NPHP4: variants seen among roughly 807,000 people sequenced by gnomAD.
The protein encoded by NPHP4 is nephrocystin 4.
In NPHP4, 151 loss-of-function variants were observed where a neutral mutation model predicts 155.8. That is an observed-to-expected ratio of 0.97 (90% CI 0.85 to 1.11). NPHP4 has a LOEUF of 1.11. NPHP4 is among the 50% of genes least tolerant of loss of function. The probability of loss-of-function intolerance (pLI) is 0.00; values close to 1 mark genes in which losing one functional copy is unlikely to be tolerated. For synonymous variants in NPHP4, 845 were observed against 816.8 expected (o/e 1.03, Z -0.59); for missense variants, 1,956 against 1,925.7 (o/e 1.02, Z -0.29).
chr1:5,991,956 G>GCAGGGGA (rs1225621036), intron 1 of NPHP4, among the ~76,000 whole-genome samples: 8 of 126,798 alleles, frequency 6.3e-5, no homozygotes, highest in Non-Finnish European at 9.9e-5. Context: ...GGGGCAGGGG[G>GCAGGGGA]CAAAGGGCAA....
intron 2 of NPHP4, among the ~76,000 whole-genome samples, chr1:5,980,684 AAAAGTGGGAAGGG>A (rs1654535538): frequency 6.6e-6 from 1 of 151,828 alleles, no homozygotes; most frequent in Non-Finnish European, 1.5e-5. Context: ...ATGAAGGGAG[AAAAGTGGGAAGGG>A]CCAGCTGCCT....
intron 6 of NPHP4, among the ~76,000 whole-genome samples, chr1:5,956,312 ACCC>A (rs968443978): frequency 6.6e-6 from 1 of 152,084 alleles, no homozygotes; most frequent in Non-Finnish European, 1.5e-5. Context: ...GTGCACACGC[ACCC>A]CCAGGAGCAA....
intron 11 of NPHP4, among the ~76,000 whole-genome samples, chr1:5,912,981 T>C (rs1310753727): frequency 6.6e-6 from 1 of 151,914 alleles, no homozygotes; most frequent in East Asian, 1.9e-4. Context: ...TGAAGCCCCG[T>C]CTCTACTAAA....
At chr1:5,937,136 C>A (rs1390707936) in intron 9 of NPHP4, among the ~76,000 whole-genome samples, 1 of 151,998 alleles carries the variant, frequency 6.6e-6, no homozygotes, top group South Asian at 2.1e-4. Context: ...GGGGTTTCCT[C>A]GGAAGGAGCT....
At chr1:5,886,061 T>G (rs1643774470) in intron 18 of NPHP4, among the ~76,000 whole-genome samples, 1 of 152,236 alleles carries the variant, frequency 6.6e-6, no homozygotes, top group African/African-American at 2.4e-5. Flanking sequence ...CTTCTGAAGA[T>G]AAGATTTTAA....
rs768742748 is a variant in NPHP4 at position 5,905,430 on chromosome 1, A to G, written c.1817T>C (p.Phe606Ser). 4.3e-6 allele frequency: 7 copies of G among 1,612,082 alleles called. No homozygotes were observed. Among genetic ancestry groups the G allele is most frequent in the Non-Finnish European group, 5.9e-6 (7 of 1,178,282 alleles). ...ASMVLLQSSG[F>S]PEILDANKQP... ...TTTATTGGCATCCAGAATCTCGGGA[A>G]AGCCGGAGGACTGCAGGAGCACCAT... The change falls in exon 15 of 30, where the codon TTT becomes TCT. Residue 606 changes from phenylalanine (F) to serine (S), a missense_variant. Phe to Ser is a radical substitution (Grantham distance 155). Transcript: ENST00000378156. This position sits in a 1 kb window ranked among gnomAD's most constrained non-coding sequence, Gnocchi z 4.0.
intron 10 of NPHP4, among the ~76,000 whole-genome samples, chr1:5,932,894 T>C (rs1379185457): frequency 6.6e-6 from 1 of 152,152 alleles, no homozygotes; most frequent in Non-Finnish European, 1.5e-5. Context: ...GCAAAGTGTG[T>C]ACACATCAGC....
chr1:5,899,709 T>C (rs750307164), intron 16 of NPHP4, among the ~76,000 whole-genome samples: 4 of 152,196 alleles, frequency 2.6e-5, no homozygotes, highest in Non-Finnish European at 4.4e-5. Context: ...GAGATGGCTT[T>C]TCAGATACAA....
chr1:5,982,602 A>G (rs979091618), intron 2 of NPHP4, among the ~76,000 whole-genome samples: 1 of 152,196 alleles, frequency 6.6e-6, no homozygotes, highest in African/African-American at 2.4e-5. Flanking sequence ...GTTTGTATCT[A>G]ATTTGTTCCT....
At chr1:5,885,682 C>T (rs977027059) in intron 18 of NPHP4, among the ~76,000 whole-genome samples, 4 of 152,252 alleles carry the variant, frequency 2.6e-5, no homozygotes, top group Admixed American at 2.6e-4. Context: ...AGAGCAGAAT[C>T]CAGGCCGAGG....
In NPHP4 at chr1:5,867,445, C is replaced by T. The variant is rs1641362003; in HGVS notation, c.3472+295G>A. On this transcript the variant is annotated intron_variant, in intron 24 of 29. Transcript: ENST00000378156. This position sits in a 1 kb window ranked among gnomAD's most constrained non-coding sequence, Gnocchi z 4.1. ...GGGGCACCTACCAGAAACACGCGGG[C>T]CGTCAGGTGAGGAGGTAGGTGTTCC... is the stretch of plus-strand genomic sequence containing the variant. 3.6e-6 allele frequency: 2 copies of T among 551,074 alleles called. No homozygotes were observed. Among genetic ancestry groups the T allele is most frequent in the African/African-American group, 1.9e-5 (1 of 53,102 alleles). The allele number at this position is 551,074 out of a possible 1,614,324, so 34.1% of individuals were successfully genotyped here.
At chr1:5,975,171 A>G (rs988423397) in intron 3 of NPHP4, among the ~76,000 whole-genome samples, 4 of 152,200 alleles carry the variant, frequency 2.6e-5, no homozygotes, top group African/African-American at 9.7e-5. Context: ...CACACTTGGG[A>G]GCACATACAT....
chr1:5,898,120 T>C (rs1485880275), intron 16 of NPHP4, among the ~76,000 whole-genome samples: 1 of 152,230 alleles, frequency 6.6e-6, no homozygotes, highest in Non-Finnish European at 1.5e-5. Flanking sequence ...TGGACCGCGT[T>C]CTTTGGAAGA....
intron 5 of NPHP4, among the ~76,000 whole-genome samples, chr1:5,966,613 C>A (rs1201386946): frequency 6.6e-6 from 1 of 152,134 alleles, no homozygotes; most frequent in Non-Finnish European, 1.5e-5. Context: ...TGGGCAGCAT[C>A]TCACCTCGAA....
chr1:5,873,701 G>C, intron 22 of NPHP4: 1 of 345,466 alleles, frequency 2.9e-6, no homozygotes, highest in Non-Finnish European at 5.4e-6. Flanking sequence ...ACCCCAAAAG[G>C]TCAAAAGCTG....
chr1:5,959,916 C>G (rs1474339776), intron 6 of NPHP4, among the ~76,000 whole-genome samples: 1 of 152,164 alleles, frequency 6.6e-6, no homozygotes, highest in South Asian at 2.1e-4. Flanking sequence ...CAGCTAGTTC[C>G]AAGATCAATA....
intron 20 of NPHP4, among the ~76,000 whole-genome samples, chr1:5,875,591 CA>C (rs1642510073): frequency 6.6e-6 from 1 of 152,234 alleles, no homozygotes; most frequent in African/African-American, 2.4e-5. Flanking sequence ...CACGCTGCCT[CA>C]GCAAGGCTCA....
At chr1:5,982,259 T>C (rs1277228130) in intron 2 of NPHP4, among the ~76,000 whole-genome samples, 1 of 152,244 alleles carries the variant, frequency 6.6e-6, no homozygotes, top group Non-Finnish European at 1.5e-5. Flanking sequence ...AGACTGTATA[T>C]ATGACTGGCC....
At chr1:5,954,239 T>C (rs1271376571) in intron 6 of NPHP4, among the ~76,000 whole-genome samples, 1 of 152,216 alleles carries the variant, frequency 6.6e-6, no homozygotes, top group Non-Finnish European at 1.5e-5. Flanking sequence ...AATAGGGGAA[T>C]GTTCACTAAA....
Sources: gnomAD v4.1 joint callset for allele counts (sites outside exome capture counted in the v4.1 genomes callset) on GRCh38, gnomAD v4.1.1 for gene constraint, Gnocchi (gnomAD v3.1) non-coding constraint, MANE v1.5 for transcripts, NCBI Gene and HGNC (gene_info 2026-07-23, HGNC 2026-07-21) for gene names.